The following SHC4 variants were observed in gnomAD, a reference collection of about 807,000 sequenced individuals.
The protein encoded by SHC4 is SHC adaptor protein 4, also known as SHC-transforming protein 4.
A neutral mutation model predicts 69.4 loss-of-function variants in SHC4; 41 were observed. The observed-to-expected ratio is 0.59, with a 90% CI of 0.46 to 0.77. The LOEUF is 0.77. Ranked by LOEUF, SHC4 falls within the 30% of genes least tolerant of loss-of-function variation. The probability of loss-of-function intolerance (pLI) is 0.00; values close to 1 mark genes in which losing one functional copy is unlikely to be tolerated. For synonymous variants in SHC4, 318 were observed against 299.3 expected (o/e 1.06, Z -0.64); for missense variants, 777 against 783.8 (o/e 0.99, Z 0.10).
rs1899851151 is a variant in SHC4, at chr15:48,878,040, T to G, written c.841-5898A>C. The G allele has an allele frequency of 3.6e-6, 4 of 1,108,112 alleles. No individual in the cohort carries two copies. The Admixed American group carries it at 7.7e-5, about 21-fold the overall frequency. 68.6% of individuals were successfully genotyped at this position (1,108,112 alleles called of 1,614,324 possible). A position where few individuals can be genotyped will look rare whatever the true frequency, so the allele number is the denominator to read the frequency against. On this transcript the variant is annotated intron_variant, in intron 4 of 11. Transcript: ENST00000332408. ...ACTCCAACCACAGTGGCGCGCCAAG[T>G]AGGAGGCGGTACCTGAGGACCACGC...
At chr15:48,882,639 A>C (rs1899965521) in intron 4 of SHC4, among the ~76,000 whole-genome samples, 1 of 152,174 alleles carries the variant, frequency 6.6e-6, no homozygotes, top group Admixed American at 6.5e-5. Flanking sequence ...CATCTTAAAA[A>C]ATGATCATAG....
intron 1 of SHC4, among the ~76,000 whole-genome samples, chr15:48,956,981 T>C (rs1338054480): frequency 1.4e-5 from 2 of 138,592 alleles, no homozygotes; most frequent in East Asian, 2.1e-4. Context: ...TTTCTTTTTT[T>C]TTTTTTTTTT....
intron 2 of SHC4, among the ~76,000 whole-genome samples, chr15:48,892,146 C>T (rs185703284): frequency 1.2e-4 from 18 of 152,060 alleles, no homozygotes; most frequent in African/African-American, 2.2e-4. Flanking sequence ...TGAGCCACCG[C>T]GCCCGGCCAT....
intron 1 of SHC4, among the ~76,000 whole-genome samples, chr15:48,940,566 T>A (rs907487341): frequency 5.3e-5 from 8 of 152,220 alleles, no homozygotes; most frequent in African/African-American, 1.9e-4. Context: ...CTCAGCAGTG[T>A]CAAAGGCCAA....
intron 2 of SHC4, among the ~76,000 whole-genome samples, chr15:48,922,497 C>G (rs996200089): frequency 4.6e-5 from 7 of 152,196 alleles, no homozygotes; most frequent in Non-Finnish European, 5.9e-5. Context: ...TGAAGGCTCA[C>G]GCTGCTCCTC....
At chr15:48,896,877 G>A (rs769819819) in intron 2 of SHC4, among the ~76,000 whole-genome samples, 40 of 152,198 alleles carry the variant, frequency 2.6e-4, no homozygotes, top group Non-Finnish European at 5.1e-4. Flanking sequence ...CTGGGACCAA[G>A]ACATTAACTG....
rs116851439 is a variant in SHC4 at position 48,846,304 on chromosome 15, A to G, written c.1304-2716T>C. 6.2e-4 allele frequency among the ~76,000 whole-genome samples: 94 copies of G among 152,292 alleles called. No homozygotes were observed. The East Asian group carries it at 0.018, about 29-fold the overall frequency. On this transcript the variant is annotated intron_variant, in intron 9 of 11. Transcript: ENST00000332408. The stretch of plus-strand genomic sequence containing the variant: ...GTAAAATGTGGGTGCCTAGCTTAAA[A>G]TACTGTTGTGAGGACTAAGTGAAAT...
At chr15:48,841,742 C>T (rs967727541) in intron 10 of SHC4, among the ~76,000 whole-genome samples, 1 of 152,118 alleles carries the variant, frequency 6.6e-6, no homozygotes, top group Non-Finnish European at 1.5e-5. Context: ...TCTTACAGAC[C>T]CTGCCTGCCA....
chr15:48,913,256 G>T (rs1163878685), intron 2 of SHC4, among the ~76,000 whole-genome samples: 1 of 151,946 alleles, frequency 6.6e-6, no homozygotes, highest in Admixed American at 6.6e-5. Context: ...ACTCTCCTTG[G>T]GCAGGTCTTG....
At chr15:48,831,260 TA>T (rs57764927) in intron 11 of SHC4, among the ~76,000 whole-genome samples, 127 of 151,864 alleles carry the variant, frequency 8.4e-4, no homozygotes, top group African/African-American at 2.7e-3. Context: ...GAAAGAAAAT[TA>T]AAAAAAATAA....
At chr15:48,953,008 A>C (rs1901390401) in intron 1 of SHC4, among the ~76,000 whole-genome samples, 1 of 152,238 alleles carries the variant, frequency 6.6e-6, no homozygotes, top group Non-Finnish European at 1.5e-5. Context: ...AAAGACATGG[A>C]ATCAACCTAA....
intron 4 of SHC4, among the ~76,000 whole-genome samples, chr15:48,882,053 A>G (rs1057065694): frequency 4.6e-5 from 7 of 152,198 alleles, no homozygotes; most frequent in African/African-American, 1.7e-4. Flanking sequence ...TGGGGAAGGC[A>G]TTAGTATTTC....
chr15:48,914,538 G>T (rs1314693124), intron 2 of SHC4, among the ~76,000 whole-genome samples: 7 of 152,130 alleles, frequency 4.6e-5, no homozygotes, highest in Non-Finnish European at 1.5e-5. Context: ...GTTGGAATTT[G>T]CTGTCAAGAA....
chr15:48,860,470 G>A (rs1195819553), intron 6 of SHC4, among the ~76,000 whole-genome samples: 2 of 152,070 alleles, frequency 1.3e-5, no homozygotes, highest in African/African-American at 4.8e-5. Flanking sequence ...TGGCGTCATT[G>A]CACTCCAGTC....
At chr15:48,947,128 A>G (rs1194791134) in intron 1 of SHC4, 1 of 152,214 alleles carries the variant, frequency 6.6e-6, no homozygotes, top group Non-Finnish European at 1.5e-5. Context: ...CAAATCAAAA[A>G]CTATTTCTAA....
At chr15:48,917,156 G>A (rs1486055130) in intron 2 of SHC4, among the ~76,000 whole-genome samples, 1 of 151,938 alleles carries the variant, frequency 6.6e-6, no homozygotes, top group Non-Finnish European at 1.5e-5. Flanking sequence ...CCTTAGAGGA[G>A]AAGGAAGATT....
intron 2 of SHC4, among the ~76,000 whole-genome samples, chr15:48,913,752 G>A (rs1488017104): frequency 2.0e-5 from 3 of 152,108 alleles, no homozygotes; most frequent in Non-Finnish European, 4.4e-5. Context: ...CCTGCTAGGG[G>A]GCCCAGCGAG....
intron 10 of SHC4, among the ~76,000 whole-genome samples, chr15:48,839,451 A>T (rs558098560): frequency 6.6e-6 from 1 of 152,242 alleles, no homozygotes; most frequent in South Asian, 2.1e-4. Flanking sequence ...GGTAGGAACA[A>T]CCCAGATGGC....
intron 8 of SHC4, among the ~76,000 whole-genome samples, chr15:48,851,472 G>A (rs1899213505): frequency 6.6e-6 from 1 of 152,120 alleles, no homozygotes; most frequent in Non-Finnish European, 1.5e-5. Flanking sequence ...TCGGCTGGGG[G>A]GTTCTAAAGG....
Sources: allele counts gnomAD v4.1 joint callset (sites outside exome capture counted in the v4.1 genomes callset), GRCh38; gene constraint gnomAD v4.1.1; transcripts MANE v1.5; gene names NCBI Gene and HGNC (gene_info 2026-07-23, HGNC 2026-07-21).